The following FMN1 variants were observed in gnomAD, a reference collection of about 807,000 sequenced individuals.
FMN1 encodes formin-1.
In FMN1, 110 loss-of-function variants were observed where a neutral mutation model predicts 132.4. The ratio of observed to expected loss-of-function variants is 0.83; its 90% confidence interval spans 0.71 to 0.97. The LOEUF is 0.97. FMN1 is among the 50% of genes least tolerant of loss of function. The pLI is 0.00. For missense variants in FMN1, 1,792 were observed against 1,705.3 expected, an observed-to-expected ratio of 1.05 and a Z score of -0.90; for synonymous variants, 722 against 651.7, an observed-to-expected ratio of 1.11 and a Z score of -1.64.
intron 19 of FMN1, among the ~76,000 whole-genome samples, chr15:32,779,882 A>G (rs989479691): frequency 6.6e-6 from 1 of 152,232 alleles, no homozygotes. Flanking sequence ...GGAATGAACT[A>G]GATCTACAAA....
intron 4 of FMN1, among the ~76,000 whole-genome samples, chr15:33,126,341 G>GGT (rs1963065937): frequency 6.6e-6 from 1 of 152,208 alleles, no homozygotes; most frequent in South Asian, 2.1e-4. Context: ...GGAGGCAGAA[G>GGT]GTCACTGTGG....
At chr15:32,851,124 C>G (rs2058999414) in intron 17 of FMN1, among the ~76,000 whole-genome samples, 1 of 152,120 alleles carries the variant, frequency 6.6e-6, no homozygotes, top group African/African-American at 2.4e-5. Flanking sequence ...GTCAAAGGAA[C>G]TTAGAAAATA....
At chr15:33,011,886 G>A (rs1488009313) in intron 6 of FMN1, among the ~76,000 whole-genome samples, 3 of 152,162 alleles carry the variant, frequency 2.0e-5, no homozygotes, top group Non-Finnish European at 4.4e-5. Flanking sequence ...TGACAACAGA[G>A]CCTTGGTGAA....
intron 17 of FMN1, among the ~76,000 whole-genome samples, chr15:32,839,307 G>A (rs2058695255): frequency 6.6e-6 from 1 of 152,116 alleles, no homozygotes; most frequent in Non-Finnish European, 1.5e-5. Flanking sequence ...CAACCACGGA[G>A]CGTCAGCACC....
chr15:33,102,677 A>T (rs1595475020), intron 4 of FMN1, among the ~76,000 whole-genome samples: 1 of 152,174 alleles, frequency 6.6e-6, no homozygotes, highest in African/African-American at 2.4e-5. Flanking sequence ...TATATGACTC[A>T]TGAGCAAACA....
intron 20 of FMN1, 33 bp from the exon 21 acceptor site, chr15:32,774,387 T>C (rs772261272): frequency 5.9e-6 from 9 of 1,525,414 alleles, no homozygotes; most frequent in Admixed American, 2.1e-5. Context: ...TGTATCATTT[T>C]CTTTCATCTT....
At chr15:32,799,794 C>A (rs982188463) in intron 18 of FMN1, among the ~76,000 whole-genome samples, 1 of 152,194 alleles carries the variant, frequency 6.6e-6, no homozygotes, top group African/African-American at 2.4e-5. Context: ...CAATTTACAG[C>A]TTTGAACTCA....
chr15:33,164,812 G>A (rs1965033002), intron 3 of FMN1, among the ~76,000 whole-genome samples: 2 of 152,266 alleles, frequency 1.3e-5, no homozygotes, highest in African/African-American at 4.8e-5. Flanking sequence ...TGGGTACATA[G>A]TAGGTATATA....
intron 17 of FMN1, among the ~76,000 whole-genome samples, chr15:32,856,479 T>C (rs928904000): frequency 1.3e-5 from 2 of 152,212 alleles, no homozygotes; most frequent in Admixed American, 6.5e-5. Context: ...TACCAGCACA[T>C]CACTTTCACT....
intron 9 of FMN1, among the ~76,000 whole-genome samples, chr15:32,937,360 G>T (rs945051131): frequency 6.6e-6 from 1 of 152,162 alleles, no homozygotes; most frequent in African/African-American, 2.4e-5. Flanking sequence ...GCCAGAAAGG[G>T]AGTCAGATGA....
chr15:32,783,439 G>C (rs1046148000), intron 19 of FMN1, among the ~76,000 whole-genome samples: 1 of 152,104 alleles, frequency 6.6e-6, no homozygotes, highest in Admixed American at 6.5e-5. Flanking sequence ...GCCTAGTCTT[G>C]ACTCTGTAGA....
intron 5 of FMN1, among the ~76,000 whole-genome samples, chr15:33,075,916 A>AT (rs530525134): frequency 5.1e-4 from 77 of 152,220 alleles, no homozygotes; most frequent in Non-Finnish European, 8.5e-4. Flanking sequence ...AAATGAAATA[A>AT]AAGATTACAG....
intron 6 of FMN1, chr15:33,012,516 T>G: frequency 4.7e-6 from 7 of 1,500,028 alleles, no homozygotes; most frequent in Non-Finnish European, 6.4e-6. Context: ...TGGAAGTGAT[T>G]GAAATCATGA....
At chr15:32,813,062 A>C (rs1304382785) in intron 17 of FMN1, among the ~76,000 whole-genome samples, 2 of 152,214 alleles carry the variant, frequency 1.3e-5, no homozygotes, top group Admixed American at 6.5e-5. Flanking sequence ...TCCCTAAACA[A>C]CACAGTCTAA....
chr15:33,116,471 A>G (rs962239351), intron 4 of FMN1, among the ~76,000 whole-genome samples: 3 of 152,048 alleles, frequency 2.0e-5, no homozygotes, highest in African/African-American at 7.2e-5. Context: ...ATGTTATCCG[A>G]CCATGCGGCA....
intron 3 of FMN1, among the ~76,000 whole-genome samples, chr15:33,170,913 A>G (rs1965295451): frequency 6.6e-6 from 1 of 152,198 alleles, no homozygotes; most frequent in South Asian, 2.1e-4. Flanking sequence ...ATATAAAGAA[A>G]ATCAGTATAA....
Position 32,772,436 on chromosome 15 carries a change from A to G in FMN1, c.*1874T>C, listed in dbSNP as rs1595880658. 3 of 152,324 alleles carry G rather than the reference A, an allele frequency of 2.0e-5. No individual in the cohort carries two copies. The South Asian group carries it at 6.2e-4, about 32-fold the overall frequency. The allele number at this position is 152,324 out of a possible 1,614,324, so 9.4% of individuals were successfully genotyped here. On this transcript the variant is annotated 3_prime_UTR_variant, in exon 21 of 21. Coordinates refer to ENST00000616417, the MANE Select transcript of FMN1 (RefSeq NM_001277313.2). The stretch of plus-strand genomic sequence containing the variant: ...ATGATAACACTAGAAGGAGCATACA[A>G]TGGTTATAAGTGGAATCAGTTTTTA...
rs145480065 is a variant in FMN1, at chr15:32,823,355, A to G, written c.3929-19023T>C. Among the ~76,000 whole-genome samples, 582 of 151,764 alleles carry G rather than the reference A, an allele frequency of 3.8e-3. 8 individuals are homozygous for G. The highest frequency in any genetic ancestry group is 0.033 in the East Asian group (172 of 5,152). On this transcript the variant is annotated intron_variant, in intron 17 of 20. Transcript: ENST00000616417. Reference sequence around the variant, plus strand: ...TTCTTTTTGTATTTTTAGTAGAGACAGGGTTTCACGGTGTTAGCCAGGAAG... The same window carrying G: ...TTCTTTTTGTATTTTTAGTAGAGACGGGGTTTCACGGTGTTAGCCAGGAAG...
At chr15:33,019,216 C>G (rs532460926) in intron 6 of FMN1, among the ~76,000 whole-genome samples, 1 of 152,110 alleles carries the variant, frequency 6.6e-6, no homozygotes, top group Non-Finnish European at 1.5e-5. Flanking sequence ...GAGCTAGACA[C>G]AAAAGTTCTC....
Sources: allele counts gnomAD v4.1 joint callset (sites outside exome capture counted in the v4.1 genomes callset), GRCh38; gene constraint gnomAD v4.1.1; transcripts MANE v1.5; gene names NCBI Gene and HGNC (gene_info 2026-07-23, HGNC 2026-07-21).